The following ATXN1 variants were observed in gnomAD, a reference collection of about 807,000 sequenced individuals.
The protein encoded by ATXN1 is ataxin-1.
ATXN1 carries 8 observed loss-of-function variants against 56.4 expected under a neutral mutation model. The observed-to-expected ratio is 0.14, with a 90% CI of 0.08 to 0.26. The LOEUF (loss-of-function observed/expected upper bound fraction) is 0.26. ATXN1 is among the 10% of genes least tolerant of loss of function. ATXN1 has a pLI of 1.00. For synonymous variants in ATXN1, 514 were observed against 494.6 expected (o/e 1.04, Z -0.52); for missense variants, 987 against 1,106.5 (o/e 0.89, Z 1.53).
intron 4 of ATXN1, among the ~76,000 whole-genome samples, chr6:16,564,415 A>G (rs1192281284): frequency 2.0e-5 from 3 of 152,258 alleles, no homozygotes; most frequent in Non-Finnish European, 2.9e-5. Flanking sequence ...GAATGTTCAT[A>G]GCAGCACTGT....
intron 4 of ATXN1, among the ~76,000 whole-genome samples, chr6:16,529,134 G>A (rs561230427): frequency 6.7e-6 from 1 of 149,214 alleles, no homozygotes; most frequent in Non-Finnish European, 1.5e-5. Flanking sequence ...AGCTGAGACT[G>A]TGCCACTGCA....
At chr6:16,444,655 G>A (rs551046337) in intron 6 of ATXN1, among the ~76,000 whole-genome samples, 36 of 152,150 alleles carry the variant, frequency 2.4e-4, no homozygotes, top group South Asian at 6.2e-4. Context: ...CTGAAGCACC[G>A]GGTAGATAAA....
intron 6 of ATXN1, among the ~76,000 whole-genome samples, chr6:16,388,160 T>C (rs1011667762): frequency 1.3e-5 from 2 of 152,164 alleles, no homozygotes; most frequent in East Asian, 3.8e-4. Flanking sequence ...CCTTGACCAC[T>C]GACAGTCTCT....
chr6:16,568,647 C>T (rs945868876), intron 4 of ATXN1, among the ~76,000 whole-genome samples: 1 of 135,934 alleles, frequency 7.4e-6, no homozygotes, highest in Non-Finnish European at 1.6e-5. Context: ...TTTTTCGGTA[C>T]CTGGAAACAA....
intron 6 of ATXN1, among the ~76,000 whole-genome samples, chr6:16,341,787 G>A (rs1160704061): frequency 6.6e-6 from 1 of 151,888 alleles, no homozygotes; most frequent in African/African-American, 2.4e-5. Context: ...CCAAAGTACT[G>A]GGATTATAGG....
At position 16,306,869 on chromosome 6, in the gene ATXN1, C is replaced by A; in HGVS notation, c.1918-10G>T. The A allele has an allele frequency of 1.3e-6, 2 of 1,583,426 alleles. No individual in the cohort carries two copies. The highest frequency in any genetic ancestry group is 1.7e-6 in the Non-Finnish European group (2 of 1,170,534). On this transcript the variant is annotated splice_polypyrimidine_tract_variant and intron_variant, in intron 7 of 7. Transcript: ENST00000436367. The surrounding 1 kb of genome is among the most constrained non-coding windows in gnomAD (Gnocchi z 5.2). ...AAACTTCAACGCTGACCTGTGGAAA[C>A]AGGGAGAGACAGAGAGAGGAAGAAG...
At chr6:16,621,202 C>T (rs977848803) in intron 3 of ATXN1, among the ~76,000 whole-genome samples, 7 of 152,184 alleles carry the variant, frequency 4.6e-5, no homozygotes, top group African/African-American at 9.7e-5. Flanking sequence ...TAGGAGATAA[C>T]GCAGCTCAGT....
chr6:16,640,216 T>A (rs1763683392), intron 3 of ATXN1, among the ~76,000 whole-genome samples: 1 of 152,196 alleles, frequency 6.6e-6, no homozygotes, highest in South Asian at 2.1e-4. Flanking sequence ...GTTATGGTGA[T>A]CTGAGATCAG....
At chr6:16,548,360 A>G (rs1352127568) in intron 4 of ATXN1, among the ~76,000 whole-genome samples, 2 of 152,222 alleles carry the variant, frequency 1.3e-5, no homozygotes, top group South Asian at 2.1e-4. Flanking sequence ...ATTACTGTAC[A>G]CTACTGCAGA....
At chr6:16,597,180 T>C (rs1026364535) in intron 3 of ATXN1, among the ~76,000 whole-genome samples, 5 of 152,186 alleles carry the variant, frequency 3.3e-5, no homozygotes. Flanking sequence ...AATTAGAGGT[T>C]ATAAACACCT....
intron 5 of ATXN1, among the ~76,000 whole-genome samples, chr6:16,510,310 C>T (rs181456046): frequency 2.8e-4 from 43 of 152,254 alleles, no homozygotes; most frequent in African/African-American, 8.7e-4. Flanking sequence ...CAGGGGATTC[C>T]GACCCACTTG....
At chr6:16,587,808 G>A (rs1762653048) in intron 3 of ATXN1, among the ~76,000 whole-genome samples, 1 of 151,866 alleles carries the variant, frequency 6.6e-6, no homozygotes, top group African/African-American at 2.4e-5. Flanking sequence ...GTGGGCGCCT[G>A]TAATCCCAGT....
At chr6:16,712,456 AG>A (rs955185300) in intron 2 of ATXN1, among the ~76,000 whole-genome samples, 2 of 152,170 alleles carry the variant, frequency 1.3e-5, no homozygotes, top group Admixed American at 1.3e-4. Context: ...GAAGAGAAAT[AG>A]AGAAGACTGA....
intron 4 of ATXN1, among the ~76,000 whole-genome samples, chr6:16,525,413 G>T (rs1761372016): frequency 6.6e-6 from 1 of 152,098 alleles, no homozygotes; most frequent in South Asian, 2.1e-4. Flanking sequence ...AGTGAAAAAA[G>T]CCAGGCACAG....
intron 7 of ATXN1, among the ~76,000 whole-genome samples, chr6:16,313,806 C>G (rs1760452536): frequency 6.6e-6 from 1 of 152,156 alleles, no homozygotes; most frequent in African/African-American, 2.4e-5. Flanking sequence ...AGGCGATCTG[C>G]CCGCCACAGC....
chr6:16,508,391 T>C (rs1761019545), intron 5 of ATXN1, among the ~76,000 whole-genome samples: 1 of 152,204 alleles, frequency 6.6e-6, no homozygotes, highest in African/African-American at 2.4e-5. Context: ...GATGGTTTAA[T>C]AGAAATCTCT....
intron 6 of ATXN1, among the ~76,000 whole-genome samples, chr6:16,338,425 G>A (rs1023935623): frequency 2.0e-5 from 3 of 151,574 alleles, no homozygotes; most frequent in Admixed American, 2.0e-4. Context: ...CCCAGGAGGC[G>A]GAGGTTGCAG....
At chr6:16,710,516 G>A (rs952600120) in intron 2 of ATXN1, among the ~76,000 whole-genome samples, 5 of 152,042 alleles carry the variant, frequency 3.3e-5, no homozygotes, top group South Asian at 2.1e-4. Context: ...GAGGACTCAC[G>A]CTATCTGTTT....
intron 5 of ATXN1, among the ~76,000 whole-genome samples, chr6:16,501,176 C>T (rs1353776217): frequency 6.6e-6 from 1 of 152,232 alleles, no homozygotes; most frequent in Non-Finnish European, 1.5e-5. Flanking sequence ...GTGAAGACTC[C>T]ATTTCAGTTC....
Sources: allele counts gnomAD v4.1 joint callset (sites outside exome capture counted in the v4.1 genomes callset), GRCh38; gene constraint gnomAD v4.1.1; non-coding constraint Gnocchi (gnomAD v3.1); transcripts MANE v1.5; gene names NCBI Gene and HGNC (gene_info 2026-07-23, HGNC 2026-07-21).